The following CSMD3 variants were observed in gnomAD, a reference collection of about 807,000 sequenced individuals.
CSMD3 encodes the protein CUB and Sushi multiple domains 3, also known as CUB and sushi domain-containing protein 3.
CSMD3 carries 177 observed loss-of-function variants against 435.2 expected under a neutral mutation model. The observed-to-expected ratio is 0.41, with a 90% confidence interval of 0.36 to 0.46. CSMD3 has a LOEUF of 0.46. Ranked by LOEUF, CSMD3 falls within the 20% of genes least tolerant of loss-of-function variation. The pLI is 0.34. For missense variants in CSMD3, 4,265 were observed against 4,504.6 expected (o/e 0.95, Z 1.52); for synonymous variants, 1,656 against 1,520.5 (o/e 1.09, Z -2.07).
chr8:112,657,594 C>G (rs1398513917), intron 17 of CSMD3, among the ~76,000 whole-genome samples: 1 of 152,096 alleles, frequency 6.6e-6, no homozygotes, highest in Non-Finnish European at 1.5e-5. Context: ...ATTTTGTATT[C>G]TTCCCTTGCA....
At chr8:113,099,058 TAAC>T in intron 4 of CSMD3, 95 bp from the exon 5 acceptor site, 1 of 814,240 alleles carries the variant, frequency 1.2e-6, no homozygotes, top group African/African-American at 1.7e-5. Flanking sequence ...TGGATAAAAA[TAAC>T]AGTTCAAATG....
chr8:112,930,414 G>A (rs2083068359), intron 9 of CSMD3, among the ~76,000 whole-genome samples: 1 of 152,018 alleles, frequency 6.6e-6, no homozygotes, highest in Non-Finnish European at 1.5e-5. Flanking sequence ...GAAGACTGTG[G>A]CTCTATATTT....
At position 112,351,168 on chromosome 8, in the gene CSMD3, A is replaced by C. The variant is rs1427189269; in HGVS notation, c.6325+7T>G. On this transcript the variant is annotated splice_region_variant and intron_variant, in intron 40 of 70. Coordinates refer to ENST00000297405, the MANE Select transcript of CSMD3 (RefSeq NM_198123.2). ...TAGGGTAAATACTTTATAGTCTTTT[A>C]ACTTACCTAAACAAATTGGGATTGG... 1 of 1,547,802 alleles carries C rather than the reference A, an allele frequency of 6.5e-7. No homozygotes were observed. The highest frequency in any genetic ancestry group is 1.7e-5 in the Admixed American group (1 of 59,890).
chr8:112,564,584 G>A (rs1290743719), intron 24 of CSMD3, among the ~76,000 whole-genome samples: 1 of 151,974 alleles, frequency 6.6e-6, no homozygotes, highest in Non-Finnish European at 1.5e-5. Flanking sequence ...AGCAGTTCAG[G>A]GAAACTGCTG....
At chr8:112,609,763 T>C (rs1475555361) in intron 22 of CSMD3, among the ~76,000 whole-genome samples, 1 of 152,098 alleles carries the variant, frequency 6.6e-6, no homozygotes, top group East Asian at 1.9e-4. Flanking sequence ...AACCTAAGTG[T>C]CTATTGATGG....
At chr8:112,684,726 C>A (rs2075973931) in intron 15 of CSMD3, among the ~76,000 whole-genome samples, 1 of 151,912 alleles carries the variant, frequency 6.6e-6, no homozygotes, top group African/African-American at 2.4e-5. Flanking sequence ...CATAAGATGT[C>A]AAGATAATTG....
intron 3 of CSMD3, among the ~76,000 whole-genome samples, chr8:113,248,913 G>GA (rs1233941928): frequency 6.6e-5 from 10 of 151,708 alleles, no homozygotes; most frequent in Non-Finnish European, 1.0e-4. Context: ...ATCTTATTTA[G>GA]AAAAAAATGT....
intron 28 of CSMD3, among the ~76,000 whole-genome samples, chr8:112,512,442 G>A (rs1353766382): frequency 6.6e-6 from 1 of 152,136 alleles, no homozygotes; most frequent in Non-Finnish European, 1.5e-5. Flanking sequence ...TTTTCAACAA[G>A]CAGTTGAACA....
chr8:112,898,409 A>C (rs972851085), intron 10 of CSMD3, among the ~76,000 whole-genome samples: 2 of 151,320 alleles, frequency 1.3e-5, no homozygotes, highest in African/African-American at 4.8e-5. Context: ...TCTCAAGCCC[A>C]ATTTTTATGT....
chr8:112,855,959 T>C (rs1333418451), intron 11 of CSMD3, among the ~76,000 whole-genome samples: 1 of 151,914 alleles, frequency 6.6e-6, no homozygotes, highest in East Asian at 1.9e-4. Context: ...GATTATCTTT[T>C]GAAACTTGGA....
intron 10 of CSMD3, among the ~76,000 whole-genome samples, chr8:112,901,392 G>C (rs999004018): frequency 6.6e-6 from 1 of 151,192 alleles, no homozygotes; most frequent in Non-Finnish European, 1.5e-5. Context: ...AATCTCCCAT[G>C]AGAAACTAGA....
In CSMD3 at chr8:112,531,445, A is replaced by G. The variant is rs1252864960; in HGVS notation, c.4565-14220T>C. On this transcript the variant is annotated intron_variant, in intron 27 of 70. Transcript: ENST00000297405. The stretch of plus-strand genomic sequence containing the variant: ...TGGAAGGTTGCAGGCTTTGGGTGCC[A>G]GTTACAACAGCCACAGGAATGGCCA... Among the ~76,000 whole-genome samples the G allele has an allele frequency of 7.9e-5, 12 of 152,268 alleles. No homozygotes were observed. The East Asian group carries it at 1.4e-3, about 17-fold the overall frequency.
intron 27 of CSMD3, among the ~76,000 whole-genome samples, chr8:112,525,814 A>G (rs977933194): frequency 9.4e-4 from 114 of 121,096 alleles, no homozygotes; most frequent in African/African-American, 3.5e-3. Context: ...ATATATACAC[A>G]CACATATAAA....
At chr8:113,248,796 T>C (rs1193401029) in intron 3 of CSMD3, among the ~76,000 whole-genome samples, 1 of 151,912 alleles carries the variant, frequency 6.6e-6, no homozygotes, top group East Asian at 1.9e-4. Flanking sequence ...TTGTTAAGCA[T>C]AAGTATTTTA....
chr8:112,286,454 A>G (rs1819209317), intron 58 of CSMD3, among the ~76,000 whole-genome samples: 1 of 152,120 alleles, frequency 6.6e-6, no homozygotes, highest in Non-Finnish European at 1.5e-5. Context: ...CCTGTATATG[A>G]TATCCACTCG....
intron 22 of CSMD3, among the ~76,000 whole-genome samples, chr8:112,593,849 A>T (rs1436165231): frequency 6.6e-6 from 1 of 152,204 alleles, no homozygotes; most frequent in Admixed American, 6.5e-5. Context: ...GAAAGGAACT[A>T]TAATATTGTC....
chr8:113,338,728 A>G (rs1455904951), intron 1 of CSMD3, among the ~76,000 whole-genome samples: 1 of 151,910 alleles, frequency 6.6e-6, no homozygotes, highest in African/African-American at 2.4e-5. Flanking sequence ...CACAGAGGTA[A>G]GTGGCTGGGT....
intron 5 of CSMD3, among the ~76,000 whole-genome samples, chr8:113,033,569 A>ATTTTTT (rs1285513451): frequency 4.0e-4 from 43 of 106,746 alleles, no homozygotes; most frequent in East Asian, 1.3e-3. Flanking sequence ...TTTGATTTTG[A>ATTTTTT]TTTTTTTTTT....
At chr8:113,278,415 T>TA (rs1281458315) in intron 3 of CSMD3, among the ~76,000 whole-genome samples, 177 bp downstream of exon 3, 4 of 151,804 alleles carry the variant, frequency 2.6e-5, no homozygotes, top group African/African-American at 9.7e-5. Flanking sequence ...TATAAAATAT[T>TA]AAAACCCACT....
Sources: allele counts gnomAD v4.1 joint callset (sites outside exome capture counted in the v4.1 genomes callset), GRCh38; gene constraint gnomAD v4.1.1; transcripts MANE v1.5; gene names NCBI Gene and HGNC (gene_info 2026-07-23, HGNC 2026-07-21).